ADCYAP1R1: variants seen among roughly 807,000 people sequenced by gnomAD.
The protein encoded by ADCYAP1R1 is pituitary adenylate cyclase-activating polypeptide type I receptor.
Under a neutral mutation model 67.6 loss-of-function variants are expected in ADCYAP1R1, and 44 were observed. That is an observed-to-expected ratio of 0.65 (90% CI 0.51 to 0.84). ADCYAP1R1 has a LOEUF of 0.84. Ranked by LOEUF, ADCYAP1R1 falls within the 40% of genes least tolerant of loss-of-function variation. The pLI is 0.00. For synonymous variants in ADCYAP1R1, 222 were observed against 219.6 expected (o/e 1.01, Z -0.10); for missense variants, 477 against 587.9 (o/e 0.81, Z 1.95).
At chr7:31,076,017 T>C (rs994242130) in intron 3 of ADCYAP1R1, among the ~76,000 whole-genome samples, 7 of 152,152 alleles carry the variant, frequency 4.6e-5, no homozygotes, top group Non-Finnish European at 5.9e-5. Flanking sequence ...CTGCACTGAG[T>C]CTTGGACTGC....
In ADCYAP1R1 at chr7:31,086,888, C is replaced by T; in HGVS notation, c.824-55C>T. ...CTCGGAGCCCCAGGTCTACGGTGGA[C>T]ATTGGACATGTTGGTTTTCCTGTTC... On this transcript the variant is annotated intron_variant, in intron 10 of 15. Transcript: ENST00000304166. The surrounding 1 kb of genome is among the most constrained non-coding windows in gnomAD (Gnocchi z 5.0). 1 of 1,572,960 alleles carries T rather than the reference C, an allele frequency of 6.4e-7. No homozygotes were observed.
chr7:31,060,070 T>C (rs531486960), intron 1 of ADCYAP1R1, among the ~76,000 whole-genome samples: 1 of 150,782 alleles, frequency 6.6e-6, no homozygotes, highest in African/African-American at 2.4e-5. Flanking sequence ...GGGACACACC[T>C]GTCTCCTAGT....
At position 31,073,450 on chromosome 7, in the gene ADCYAP1R1, G is replaced by T. The variant is rs991218581; in HGVS notation, c.158-4541G>T. ...ACAAAATTTAGCTTTGTTGAGACTG[G>T]AGTGTGGAACATATGGGTCTGTAGA... On this transcript the variant is annotated intron_variant, in intron 3 of 15. Coordinates refer to ENST00000304166, the MANE Select transcript of ADCYAP1R1 (RefSeq NM_001118.5). Among the ~76,000 whole-genome samples the T allele has an allele frequency of 5.3e-5, 8 of 152,182 alleles. No homozygotes were observed. The East Asian group carries it at 1.3e-3, about 26-fold the overall frequency.
chr7:31,084,028 C>A, intron 6 of ADCYAP1R1, 113 bp from the exon 7 acceptor site: 2 of 808,918 alleles, frequency 2.5e-6, no homozygotes, highest in Admixed American at 2.2e-5. Context: ...CCATGCTTCC[C>A]AGTTGGTCAT....
intron 13 of ADCYAP1R1, among the ~76,000 whole-genome samples, chr7:31,097,815 G>GGC (rs1554305421): frequency 1.2e-5 from 1 of 85,108 alleles, no homozygotes; most frequent in African/African-American, 1.0e-4. Flanking sequence ...AGATACAGTT[G>GGC]GGGGGGGGTC....
chr7:31,096,246 A>T (rs1489897564), intron 13 of ADCYAP1R1, among the ~76,000 whole-genome samples: 3 of 152,092 alleles, frequency 2.0e-5, no homozygotes, highest in Admixed American at 6.5e-5. Context: ...TGGGTGGAGG[A>T]GGGAAAACCC....
chr7:31,104,076 T>C (rs1301142200), intron 14 of ADCYAP1R1, among the ~76,000 whole-genome samples: 3 of 152,164 alleles, frequency 2.0e-5, no homozygotes, highest in African/African-American at 7.2e-5. Flanking sequence ...ACCATTTTAA[T>C]CCAAGGCCAT....
Position 31,092,622 on chromosome 7 carries a change from T to C in ADCYAP1R1, c.955-22T>C, listed in dbSNP as rs760196162. ...TTTGCCCAGAATCATGTCCATCTGC[T>C]TTTTTTTTTTTTGCTCCTTAGGTTA... is the stretch of plus-strand genomic sequence containing the variant. On this transcript the variant is annotated intron_variant, in intron 12 of 15. Coordinates refer to ENST00000304166, the MANE Select transcript of ADCYAP1R1 (RefSeq NM_001118.5). 1.7e-4 allele frequency: 38 copies of C among 227,942 alleles called. No homozygotes were observed. In the Admixed American group the frequency reaches 2.0e-3, roughly 12 times the overall value. The allele number at this position is 227,942 out of a possible 1,614,324, so 14.1% of individuals were successfully genotyped here. A position where few individuals can be genotyped will look rare whatever the true frequency, so the allele number is the denominator to read the frequency against.
Position 31,107,382 on chromosome 7 carries a change from G to GA in ADCYAP1R1, c.*698_*699insA, listed in dbSNP as rs1323100393. 1 of 152,302 alleles carries GA rather than the reference G, an allele frequency of 6.6e-6. No homozygotes were observed. Among genetic ancestry groups the GA allele is most frequent in the Admixed American group, 6.5e-5 (1 of 15,292 alleles). 9.4% of individuals were successfully genotyped at this position (152,302 alleles called of 1,614,324 possible). On this transcript the variant is annotated 3_prime_UTR_variant, in exon 16 of 16. Transcript: ENST00000304166. ...AGTCTGCAGGTCAGGGAAGGTTCTG[G>GA]TGCTTTTCGTTTGATCCAAAAGGAG...
At chr7:31,072,044 C>T (rs1193415896) in intron 3 of ADCYAP1R1, among the ~76,000 whole-genome samples, 2 of 138,138 alleles carry the variant, frequency 1.4e-5, no homozygotes, top group African/African-American at 2.7e-5. Flanking sequence ...CTTGTTCATC[C>T]AGACGCTGAA....
At chr7:31,101,238 C>T (rs1250410665) in intron 13 of ADCYAP1R1, among the ~76,000 whole-genome samples, 4 of 152,212 alleles carry the variant, frequency 2.6e-5, no homozygotes, top group Non-Finnish European at 4.4e-5. Context: ...TCACTACCAT[C>T]ACTGCATCCA....
intron 1 of ADCYAP1R1, among the ~76,000 whole-genome samples, chr7:31,060,743 A>G (rs1794466686): frequency 6.6e-6 from 1 of 152,066 alleles, no homozygotes; most frequent in Non-Finnish European, 1.5e-5. Context: ...TCAGAAATCC[A>G]CCAGTCCTCA....
At chr7:31,104,651 A>G (rs569619932) in intron 14 of ADCYAP1R1, among the ~76,000 whole-genome samples, 43 of 152,228 alleles carry the variant, frequency 2.8e-4, no homozygotes, top group African/African-American at 9.9e-4. Flanking sequence ...GCTAGAATGT[A>G]TCTGTGGGAC....
chr7:31,084,452 C>T (rs552557295), intron 7 of ADCYAP1R1, among the ~76,000 whole-genome samples: 10 of 152,356 alleles, frequency 6.6e-5, no homozygotes, highest in African/African-American at 2.4e-4. Flanking sequence ...AAGGGGCTTC[C>T]TGGACCTTTG....
In ADCYAP1R1 at chr7:31,108,727, A is replaced by T. The variant is rs141247588; in HGVS notation, c.*2043A>T. On this transcript the variant is annotated 3_prime_UTR_variant, in exon 16 of 16. Transcript: ENST00000304166. Reference sequence around the variant, plus strand: ...AAGGGCATTCATCATTGTGCCTCATATCAGGTTTTGATGAATATATGTGTG... The same window carrying T: ...AAGGGCATTCATCATTGTGCCTCATTTCAGGTTTTGATGAATATATGTGTG... The T allele has an allele frequency of 6.7e-6, 1 of 150,146 alleles. No individual in the cohort carries two copies. Among genetic ancestry groups the T allele is most frequent in the East Asian group, 2.0e-4 (1 of 5,024 alleles). The allele number at this position is 150,146 out of a possible 1,614,324, so 9.3% of individuals were successfully genotyped here.
intron 3 of ADCYAP1R1, among the ~76,000 whole-genome samples, chr7:31,075,356 C>A (rs1451215453): frequency 6.6e-6 from 1 of 152,212 alleles, no homozygotes; most frequent in African/African-American, 2.4e-5. Flanking sequence ...CGGTCACCTA[C>A]TGTCCCTGAC....
intron 3 of ADCYAP1R1, among the ~76,000 whole-genome samples, chr7:31,070,963 A>T (rs1484256195): frequency 6.6e-6 from 1 of 152,218 alleles, no homozygotes; most frequent in Non-Finnish European, 1.5e-5. Flanking sequence ...TCACAGTGGG[A>T]TCCTCATTTC....
chr7:31,089,022 TAG>T (rs1460948261), intron 12 of ADCYAP1R1, among the ~76,000 whole-genome samples: 4 of 152,210 alleles, frequency 2.6e-5, no homozygotes, highest in African/African-American at 4.8e-5. Flanking sequence ...GTCTTTCTTA[TAG>T]AGTCATTTTG....
chr7:31,103,280 A>T lies in ADCYAP1R1; in HGVS notation c.1090A>T (p.Ile364Phe). The change falls in exon 14 of 16, where the codon ATC (isoleucine) becomes TTC (phenylalanine). Residue 364 changes from isoleucine (I) to phenylalanine (F), a missense_variant. Transcript: ENST00000304166. The stretch of plus-strand genomic sequence containing the variant: ...CCTGCTGCTCATCCCACTATTCGGA[A>T]TCCACTACACAGTATTTGCCTTCTC... ...STLLLIPLFG[I>F]HYTVFAFSPE... 1 of 1,614,144 alleles carries T rather than the reference A, an allele frequency of 6.2e-7. No homozygotes were observed. Among genetic ancestry groups the T allele is most frequent in the Non-Finnish European group, 8.5e-7 (1 of 1,180,006 alleles).
Sources: allele counts gnomAD v4.1 joint callset (sites outside exome capture counted in the v4.1 genomes callset), GRCh38; gene constraint gnomAD v4.1.1; non-coding constraint Gnocchi (gnomAD v3.1); transcripts MANE v1.5; gene names NCBI Gene and HGNC (gene_info 2026-07-23, HGNC 2026-07-21).